Variants in CDC42BPA observed in about 807,000 individuals in gnomAD.
CDC42BPA encodes the protein CDC42 binding protein kinase alpha.
Under a neutral mutation model 223.5 loss-of-function variants are expected in CDC42BPA, and 80 were observed. The observed-to-expected ratio is 0.36, with a 90% confidence interval of 0.30 to 0.43. The LOEUF is 0.43. Among genes scored for constraint, CDC42BPA ranks in the 20% least tolerant of loss-of-function variants. CDC42BPA has a pLI of 1.00. For synonymous variants in CDC42BPA, 694 were observed against 718.6 expected, an observed-to-expected ratio of 0.97 and a Z score of 0.55; for missense variants, 1,743 against 2,099.9, an observed-to-expected ratio of 0.83 and a Z score of 3.32.
intron 28 of CDC42BPA, 124 bp downstream of exon 28, chr1:227,031,174 G>C: frequency 2.8e-6 from 2 of 704,936 alleles, no homozygotes; most frequent in East Asian, 5.3e-5. Context: ...AACATGTACT[G>C]AGCATTTATG....
chr1:227,020,302 T>C (rs1328561989), intron 32 of CDC42BPA, among the ~76,000 whole-genome samples: 1 of 152,240 alleles, frequency 6.6e-6, no homozygotes, highest in Non-Finnish European at 1.5e-5. Flanking sequence ...AGTCAGCCTG[T>C]CCTTTGAAGC....
At chr1:227,128,108 T>C (rs1656216627) in intron 11 of CDC42BPA, among the ~76,000 whole-genome samples, 1 of 152,156 alleles carries the variant, frequency 6.6e-6, no homozygotes, top group Non-Finnish European at 1.5e-5. Flanking sequence ...TTAGTTCTCA[T>C]TTCCTTCCAT....
intron 1 of CDC42BPA, among the ~76,000 whole-genome samples, chr1:227,287,279 G>C (rs895956957): frequency 6.6e-6 from 1 of 152,118 alleles, no homozygotes; most frequent in African/African-American, 2.4e-5. Flanking sequence ...CTATTTCTTA[G>C]CAAGGCCTAT....
Position 226,999,955 on chromosome 1 carries a change from G to C in CDC42BPA, c.4976-4975C>G, listed in dbSNP as rs1267586992. On this transcript the variant is annotated intron_variant, in intron 35 of 36. Coordinates refer to ENST00000366766, the MANE Select transcript of CDC42BPA (RefSeq NM_001394014.1). ...CACACACTGGGGCCTGTTGGGGGGTGGGGGGTTAGGGGAGGGATAGCATTA... is the reference window on the plus strand; with the variant it reads ...CACACACTGGGGCCTGTTGGGGGGTCGGGGGTTAGGGGAGGGATAGCATTA... Among the ~76,000 whole-genome samples the C allele has an allele frequency of 5.0e-4, 76 of 150,604 alleles. 1 individual carries two copies. The highest frequency in any genetic ancestry group is 1.8e-3 in the African/African-American group (73 of 40,840).
Position 227,199,614 on chromosome 1 carries a change from A to G in CDC42BPA, c.393T>C (p.Asn131=). ...AGGTTGTAATCCATTTATTGTCTCCATTCACTAATACATCCCTTTCTTCAC... is the reference window on the plus strand; with the variant it reads ...AGGTTGTAATCCATTTATTGTCTCCGTTCACTAATACATCCCTTTCTTCAC... ...CFREERDVLV[N]GDNKWITTLH... The change falls in exon 4 of 37, where the codon AAT becomes AAC. Residue 131 remains asparagine, a synonymous_variant. Transcript: ENST00000366766. 1 of 1,608,906 alleles carries G rather than the reference A, an allele frequency of 6.2e-7. No homozygotes were observed. The highest frequency in any genetic ancestry group is 2.2e-5 in the East Asian group (1 of 44,628).
intron 1 of CDC42BPA, among the ~76,000 whole-genome samples, chr1:227,282,977 T>C (rs1688240940): frequency 6.6e-6 from 1 of 151,626 alleles, no homozygotes; most frequent in African/African-American, 2.4e-5. Context: ...TTAAAAAAGA[T>C]TTAAAATAGT....
At chr1:227,184,208 AT>A (rs1182267812) in intron 5 of CDC42BPA, among the ~76,000 whole-genome samples, 3 of 152,032 alleles carry the variant, frequency 2.0e-5, no homozygotes, top group Non-Finnish European at 1.5e-5. Flanking sequence ...ATGAAGTCCC[AT>A]TTATTCATTT....
rs11389466 is a variant in CDC42BPA at position 227,192,808 on chromosome 1, CA to C, written c.599+977del. Among the ~76,000 whole-genome samples the C allele has an allele frequency of 3.5e-3, 531 of 151,664 alleles. 3 individuals are homozygous for C. The highest frequency in any genetic ancestry group is 0.012 in the African/African-American group (491 of 41,356). On this transcript the variant is annotated intron_variant, in intron 5 of 36. Transcript: ENST00000366766. ...GAACATCAAAATTATCACTTTCATA[CA>C]AAAAAAATCTCTTTTGACACATACA...
chr1:227,060,716 A>AGTTTT (rs1373925166), intron 21 of CDC42BPA, among the ~76,000 whole-genome samples: 1,581 of 126,278 alleles, frequency 0.013, 35 homozygotes, highest in Non-Finnish European at 0.019. Flanking sequence ...GTAAATAGGT[A>AGTTTT]CTTTTTTTTT....
At chr1:227,314,214 A>G (rs1484926551) in intron 1 of CDC42BPA, among the ~76,000 whole-genome samples, 1 of 151,944 alleles carries the variant, frequency 6.6e-6, no homozygotes, top group Non-Finnish European at 1.5e-5. Context: ...GTATACACAA[A>G]CATACAAACC....
intron 15 of CDC42BPA, among the ~76,000 whole-genome samples, chr1:227,095,212 T>C (rs2149267201): frequency 6.6e-6 from 1 of 152,346 alleles, no homozygotes; most frequent in Non-Finnish European, 1.5e-5. Flanking sequence ...TAACATCTAT[T>C]TGTGTTTCAT....
chr1:227,247,844 T>C lies in CDC42BPA; in HGVS notation c.270+6220A>G, dbSNP rs528074947. On this transcript the variant is annotated intron_variant, in intron 2 of 36. Transcript: ENST00000366766. ...CTGCAGTGAGCCGAGATCACACCAC[T>C]GCACTCCAACCTGGGTGACAGAGTG... 3.3e-5 allele frequency among the ~76,000 whole-genome samples: 5 copies of C among 152,264 alleles called. No individual in the cohort carries two copies. The Middle Eastern group carries it at 0.01, about 311-fold the overall frequency.
At chr1:227,282,275 G>A (rs567842803) in intron 1 of CDC42BPA, among the ~76,000 whole-genome samples, 349 of 151,906 alleles carry the variant, frequency 2.3e-3, no homozygotes, top group Non-Finnish European at 4.2e-3. Context: ...TATTCTTAGG[G>A]TGAGAACAGA....
chr1:227,221,602 CT>C (rs71281006), intron 2 of CDC42BPA, among the ~76,000 whole-genome samples: 4,376 of 102,018 alleles, frequency 0.043, 110 homozygotes, highest in African/African-American at 0.1. Flanking sequence ...AAATAATAGG[CT>C]TTTTTTTTTT....
At chr1:227,113,060 T>TAGTG in intron 12 of CDC42BPA, 147 bp from the exon 13 acceptor site, 1 of 710,264 alleles carries the variant, frequency 1.4e-6, no homozygotes. Flanking sequence ...TCTGAACAGA[T>TAGTG]ATTAACGGCA....
Position 227,096,008 on chromosome 1 carries a change from G to C in CDC42BPA, c.2250-4017C>G, listed in dbSNP as rs867627905. Among the ~76,000 whole-genome samples, 5 of 152,080 alleles carry C rather than the reference G, an allele frequency of 3.3e-5. No homozygotes were observed. In the South Asian group the frequency reaches 6.2e-4, roughly 19 times the overall value. On this transcript the variant is annotated intron_variant, in intron 15 of 36. Transcript: ENST00000366766. ...TGAAATTCCATGTGGATCAGTTCTGGGTAATTTTATATGATTGCTTTCTGG... is the reference window on the plus strand; with the variant it reads ...TGAAATTCCATGTGGATCAGTTCTGCGTAATTTTATATGATTGCTTTCTGG...
At chr1:227,004,901 G>A (rs572411777) in intron 35 of CDC42BPA, 93 bp downstream of exon 35, 5 of 869,820 alleles carry the variant, frequency 5.7e-6, no homozygotes, top group South Asian at 2.6e-5. Flanking sequence ...ATGGGCACAC[G>A]TAAGTGAAGG....
At chr1:226,999,074 C>A (rs1052286170) in intron 35 of CDC42BPA, among the ~76,000 whole-genome samples, 3 of 151,850 alleles carry the variant, frequency 2.0e-5, no homozygotes, top group Non-Finnish European at 4.4e-5. Flanking sequence ...TAGAGAAATG[C>A]AAATCAAAAC....
At chr1:227,022,072 G>T (rs1380386935) in intron 32 of CDC42BPA, among the ~76,000 whole-genome samples, 2 of 151,796 alleles carry the variant, frequency 1.3e-5, no homozygotes, top group African/African-American at 4.8e-5. Context: ...CAAAATAATG[G>T]GTCTAAACAT....
Sources: allele counts gnomAD v4.1 joint callset (sites outside exome capture counted in the v4.1 genomes callset), GRCh38; gene constraint gnomAD v4.1.1; transcripts MANE v1.5; gene names NCBI Gene and HGNC (gene_info 2026-07-23, HGNC 2026-07-21).